The following EDEM1 variants were observed in gnomAD, a reference collection of about 807,000 sequenced individuals.
EDEM1 encodes the protein ER degradation-enhancing alpha-mannosidase-like protein 1.
A neutral mutation model predicts 74.4 loss-of-function variants in EDEM1; 67 were observed. The observed-to-expected ratio is 0.90, with a 90% confidence interval of 0.74 to 1.10. The LOEUF (loss-of-function observed/expected upper bound fraction) is 1.10, where lower values mean the gene tolerates loss of function less well. Ranked by LOEUF, EDEM1 falls within the 50% of genes least tolerant of loss-of-function variation. The pLI, the probability that EDEM1 is intolerant of heterozygous loss-of-function variation, is 0.00. For missense variants in EDEM1, 926 were observed against 851.6 expected (o/e 1.09, Z -1.09); for synonymous variants, 382 against 335.9 (o/e 1.14, Z -1.50).
intron 2 of EDEM1, among the ~76,000 whole-genome samples, chr3:5,197,082 TC>T (rs1482504382): frequency 8.3e-5 from 10 of 119,954 alleles, no homozygotes; most frequent in Non-Finnish European, 8.9e-5. Flanking sequence ...TTTTTTTTTT[TC>T]CCCATTTTGT....
intron 3 of EDEM1, among the ~76,000 whole-genome samples, chr3:5,201,526 C>G (rs1294067886): frequency 6.6e-6 from 1 of 152,098 alleles, no homozygotes; most frequent in African/African-American, 2.4e-5. Context: ...TTTTGGTAGT[C>G]TCGAATAAAT....
At position 5,188,165 on chromosome 3, in the gene EDEM1, C is replaced by T. The variant is rs1182543653; in HGVS notation, c.360C>T (p.Gly120=). The change falls in exon 1 of 12, where the codon GGC becomes GGT. Residue 120 remains glycine, a synonymous_variant. Coordinates refer to ENST00000256497, the MANE Select transcript of EDEM1 (RefSeq NM_014674.3). ...GPDEYEKRYS[G]AFPPQLRAQM... is the part of the protein sequence containing the mutation. ...ACGAGTACGAGAAGCGCTACAGCGG[C>T]GCCTTCCCTCCGCAGCTGCGTGCCC... 6.4e-7 allele frequency: 1 copy of T among 1,550,414 alleles called. No individual in the cohort carries two copies. The highest frequency in any genetic ancestry group is 8.7e-7 in the Non-Finnish European group (1 of 1,149,342).
At chr3:5,194,868 A>G (rs917602965) in intron 1 of EDEM1, among the ~76,000 whole-genome samples, 3 of 152,204 alleles carry the variant, frequency 2.0e-5, no homozygotes, top group Admixed American at 2.0e-4. Context: ...ATGATTGTGA[A>G]ATCAGAGCTT....
intron 1 of EDEM1, among the ~76,000 whole-genome samples, chr3:5,191,390 A>AT (rs879732969): frequency 7.0e-4 from 101 of 144,226 alleles, no homozygotes; most frequent in South Asian, 1.8e-3. Context: ...TGCTCGGCTA[A>AT]TTTTTTTTTT....
chr3:5,188,061 G>T lies in EDEM1; in HGVS notation c.256G>T (p.Ala86Ser), dbSNP rs747261681. Residue 86 changes from alanine (A) to serine (S), a missense_variant, in exon 1 of 12, where the codon GCT becomes TCT. Physicochemically the swap from Ala to Ser is moderately conservative, Grantham distance 99 (BLOSUM62 1). Coordinates refer to ENST00000256497, the MANE Select transcript of EDEM1 (RefSeq NM_014674.3). ...GTGAAQSPRK[A>S]PRRPGPGMCG... ...CGGGGCAGCGCAGAGCCCGCGCAAG[G>T]CTCCGCGGCGTCCTGGGCCGGGGAT... 6.9e-7 allele frequency: 1 copy of T among 1,445,478 alleles called. No individual in the cohort carries two copies. The highest frequency in any genetic ancestry group is 9.1e-7 in the Non-Finnish European group (1 of 1,100,174). The allele number at this position is 1,445,478 out of a possible 1,614,324, so 89.5% of individuals were successfully genotyped here.
chr3:5,196,497 T>C (rs762641630), intron 2 of EDEM1, among the ~76,000 whole-genome samples: 9 of 151,952 alleles, frequency 5.9e-5, no homozygotes, highest in Non-Finnish European at 1.2e-4. Flanking sequence ...AATTGGGTAA[T>C]GTGCTAGCCA....
At chr3:5,212,517 T>C (rs1283719889) in intron 10 of EDEM1, among the ~76,000 whole-genome samples, 2 of 152,226 alleles carry the variant, frequency 1.3e-5, no homozygotes, top group African/African-American at 4.8e-5. Flanking sequence ...TGAAAGAACC[T>C]AGAGTCTGGG....
In EDEM1 at chr3:5,199,906, G is replaced by C. The variant is rs553962180; in HGVS notation, c.686+211G>C. On this transcript the variant is annotated intron_variant, in intron 3 of 11. Transcript: ENST00000256497. The stretch of plus-strand genomic sequence containing the variant: ...CATTCCGGACTGAAGGGAAAGACAC[G>C]TTTGTATTTTGTTTTGTTTTTATAG... Among the ~76,000 whole-genome samples the C allele has an allele frequency of 2.0e-5, 3 of 149,644 alleles. No individual in the cohort carries two copies. In the East Asian group the frequency reaches 5.9e-4, roughly 29 times the overall value.
intron 5 of EDEM1, 44 bp downstream of exon 5, chr3:5,203,193 C>G: frequency 6.7e-7 from 1 of 1,482,998 alleles, no homozygotes; most frequent in Non-Finnish European, 9.0e-7. Context: ...ACTGCTTGGT[C>G]CCCTTTTCCT....
chr3:5,194,796 C>CT (rs780678772), intron 1 of EDEM1, among the ~76,000 whole-genome samples: 7 of 152,262 alleles, frequency 4.6e-5, no homozygotes, highest in Admixed American at 2.0e-4. Context: ...GCTGTGGTGT[C>CT]TAATTTCTGT....
chr3:5,218,599 T>G lies in EDEM1; in HGVS notation c.*2681T>G, dbSNP rs984453423. The G allele has an allele frequency of 2.0e-5, 3 of 152,166 alleles. No homozygotes were observed. Among genetic ancestry groups the G allele is most frequent in the African/African-American group, 7.2e-5 (3 of 41,436 alleles). 9.4% of individuals were successfully genotyped at this position (152,166 alleles called of 1,614,324 possible). A position where few individuals can be genotyped will look rare whatever the true frequency, so the allele number is the denominator to read the frequency against. On this transcript the variant is annotated 3_prime_UTR_variant, in exon 12 of 12. Coordinates refer to ENST00000256497, the MANE Select transcript of EDEM1 (RefSeq NM_014674.3). The stretch of plus-strand genomic sequence containing the variant: ...ATTCCCACGTGTAGCTAGTGTCTAG[T>G]GTCAGCTTTGCTCAGTGTGGTGGAA...
intron 4 of EDEM1, among the ~76,000 whole-genome samples, chr3:5,202,361 C>T (rs1398221298): frequency 1.4e-4 from 22 of 152,188 alleles, no homozygotes; most frequent in Admixed American, 1.4e-3. Flanking sequence ...CAAATAAAGG[C>T]TGCACAGACC....
At chr3:5,201,630 C>G (rs2055035486) in intron 3 of EDEM1, 123 bp from the exon 4 acceptor site, 1 of 1,102,726 alleles carries the variant, frequency 9.1e-7, no homozygotes, top group Non-Finnish European at 1.3e-6. Flanking sequence ...TAAGTCAGGT[C>G]TCTCTGACGT....
chr3:5,199,662 A>G lies in EDEM1; in HGVS notation c.653A>G (p.Asp218Gly). Residue 218 changes from aspartate (D) to glycine (G), a missense_variant, in exon 3 of 12, where the codon GAT becomes GGT. Physicochemically the swap from Asp to Gly is moderately conservative, Grantham distance 94. Transcript: ENST00000256497. ...LVINTVSFDK[D>G]STVQVFEATI... ...ATCAACACAGTTTCATTTGACAAAG[A>G]TTCCACCGTCCAAGTCTTTGAGGCC... 2 of 1,613,928 alleles carry G rather than the reference A, an allele frequency of 1.2e-6. No homozygotes were observed. Among genetic ancestry groups the G allele is most frequent in the African/African-American group, 2.7e-5 (2 of 75,068 alleles).
chr3:5,188,349 A>G, intron 1 of EDEM1, 35 bp downstream of exon 1: 13 of 1,382,336 alleles, frequency 9.4e-6, no homozygotes, highest in Non-Finnish European at 1.2e-5. Flanking sequence ...CCGCGCGCCC[A>G]CGCGCTTCCT....
rs779703491 is a variant in EDEM1 at position 5,187,797 on chromosome 3, C to T, written c.-9C>T. ...GCTTTAAAATAATGCCCGCGGCGCC[C>T]GCGCGACCATGCAATGGCGAGCGCT... On this transcript the variant is annotated 5_prime_UTR_variant, in exon 1 of 12. Transcript: ENST00000256497. 9.7e-6 allele frequency: 15 copies of T among 1,549,664 alleles called. No homozygotes were observed. Among genetic ancestry groups the T allele is most frequent in the South Asian group, 1.2e-5 (1 of 85,564 alleles).
In EDEM1 at chr3:5,217,343, G is replaced by T. The variant is rs539932700; in HGVS notation, c.*1425G>T. The T allele has an allele frequency of 1.3e-5, 2 of 152,600 alleles. No homozygotes were observed. Among genetic ancestry groups the T allele is most frequent in the African/African-American group, 2.4e-5 (1 of 41,410 alleles). 9.5% of individuals were successfully genotyped at this position (152,600 alleles called of 1,614,324 possible). The stretch of plus-strand genomic sequence containing the variant: ...TCCATGAAGCGTCATGGGTGGAAAC[G>T]CATTCTAGTAAAAAAGGTAGGAAAT... On this transcript the variant is annotated 3_prime_UTR_variant, in exon 12 of 12. Transcript: ENST00000256497.
intron 6 of EDEM1, among the ~76,000 whole-genome samples, chr3:5,205,657 G>T (rs922377346): frequency 1.3e-5 from 2 of 152,214 alleles, no homozygotes; most frequent in African/African-American, 4.8e-5. Context: ...TTGGCTGTTG[G>T]CTGGAGGGCT....
chr3:5,188,992 T>C (rs558540966), intron 1 of EDEM1, among the ~76,000 whole-genome samples: 1 of 152,272 alleles, frequency 6.6e-6, no homozygotes, highest in East Asian at 1.9e-4. Context: ...GTCATCGCCC[T>C]GTACGATCTG....
Sources: allele counts gnomAD v4.1 joint callset (sites outside exome capture counted in the v4.1 genomes callset), GRCh38; gene constraint gnomAD v4.1.1; transcripts MANE v1.5; gene names NCBI Gene and HGNC (gene_info 2026-07-23, HGNC 2026-07-21).